TTL: variants seen among roughly 807,000 people sequenced by gnomAD.
TTL encodes the protein tubulin tyrosine ligase, also known as tubulin--tyrosine ligase.
In TTL, 10 loss-of-function variants were observed where a neutral mutation model predicts 41.1. The ratio of observed to expected loss-of-function variants is 0.24; its 90% CI spans 0.15 to 0.41. TTL has a LOEUF of 0.41. Among genes scored for constraint, TTL ranks in the 10% least tolerant of loss-of-function variants. The pLI is 1.00. For synonymous variants in TTL, 175 were observed against 175.5 expected, an observed-to-expected ratio of 1.00 and a Z score of 0.02; for missense variants, 367 against 460.4, an observed-to-expected ratio of 0.80 and a Z score of 1.86.
intron 2 of TTL, among the ~76,000 whole-genome samples, chr2:112,487,476 T>C (rs576236087): frequency 2.0e-5 from 3 of 152,364 alleles, no homozygotes; most frequent in South Asian, 4.1e-4. Context: ...CTACGATTTT[T>C]CCCCTAAAGA....
rs1264127786 is a variant in TTL, at chr2:112,533,476, T to C, written c.*4681T>C. On this transcript the variant is annotated 3_prime_UTR_variant, in exon 7 of 7. Coordinates refer to ENST00000233336, the MANE Select transcript of TTL (RefSeq NM_153712.5). ...GTGTTTTCCCCAAAGCATCCCTCCA[T>C]ATCTTAGTCTATTTTGTATTGCCAT... 1 of 152,266 alleles carries C rather than the reference T, an allele frequency of 6.6e-6. No homozygotes were observed. Among genetic ancestry groups the C allele is most frequent in the African/African-American group, 2.4e-5 (1 of 41,468 alleles). 9.4% of individuals were successfully genotyped at this position (152,266 alleles called of 1,614,324 possible).
chr2:112,532,009 T>C lies in TTL; in HGVS notation c.*3214T>C, dbSNP rs1242779240. 4.4e-6 allele frequency: 1 copy of C among 228,056 alleles called. No homozygotes were observed. The highest frequency in any genetic ancestry group is 1.8e-4 in the South Asian group (1 of 5,482). The allele number at this position is 228,056 out of a possible 1,614,324, so 14.1% of individuals were successfully genotyped here. On this transcript the variant is annotated 3_prime_UTR_variant, in exon 7 of 7. Transcript: ENST00000233336. ...AAGAACATTTAAGTGCCTCAGCATC[T>C]GTATGATATAGTGGAGCAGGTGCTG...
rs1682517999 is a variant in TTL, at chr2:112,531,939, T to C, written c.*3144T>C. 8.9e-6 allele frequency: 2 copies of C among 224,950 alleles called. No individual in the cohort carries two copies. The highest frequency in any genetic ancestry group is 5.7e-5 in the Admixed American group (1 of 17,464). The allele number at this position is 224,950 out of a possible 1,614,324, so 13.9% of individuals were successfully genotyped here. A position where few individuals can be genotyped will look rare whatever the true frequency, so the allele number is the denominator to read the frequency against. Reference sequence around the variant, plus strand: ...GGGTATTAATTATTGAAAGTCCCTTTCCCCAAAACTCAACTCCTATGGCAA... The same window carrying C: ...GGGTATTAATTATTGAAAGTCCCTTCCCCCAAAACTCAACTCCTATGGCAA... On this transcript the variant is annotated 3_prime_UTR_variant, in exon 7 of 7. Coordinates refer to ENST00000233336, the MANE Select transcript of TTL (RefSeq NM_153712.5).
chr2:112,492,709 G>A (rs549020633), intron 2 of TTL, among the ~76,000 whole-genome samples: 1 of 151,632 alleles, frequency 6.6e-6, no homozygotes. Context: ...CAGCCTGGGC[G>A]ACAGAGCGAG....
chr2:112,530,282 T>C lies in TTL; in HGVS notation c.*1487T>C, dbSNP rs1682473992. The C allele has an allele frequency of 4.3e-6, 1 of 231,598 alleles. No homozygotes were observed. 14.3% of individuals were successfully genotyped at this position (231,598 alleles called of 1,614,324 possible). A position where few individuals can be genotyped will look rare whatever the true frequency, so the allele number is the denominator to read the frequency against. On this transcript the variant is annotated 3_prime_UTR_variant, in exon 7 of 7. Coordinates refer to ENST00000233336, the MANE Select transcript of TTL (RefSeq NM_153712.5). Reference sequence around the variant, plus strand: ...ATGAAAAAGGCAATAATGATAGAAATTATTTCTTAGGTACAGCAATAGTTG... The same window carrying C: ...ATGAAAAAGGCAATAATGATAGAAACTATTTCTTAGGTACAGCAATAGTTG...
intron 6 of TTL, among the ~76,000 whole-genome samples, chr2:112,524,309 C>G (rs1454990224): frequency 6.6e-6 from 1 of 152,164 alleles, no homozygotes; most frequent in African/African-American, 2.4e-5. Flanking sequence ...GGTATATACC[C>G]AGTAATGGGA....
In TTL at chr2:112,532,206, T is replaced by A. The variant is rs1033441419; in HGVS notation, c.*3411T>A. ...AGGTCCAGCCCTCTTGCAAGTGTGG[T>A]GAGAGGCTCTACTAGCAAAGACATG... On this transcript the variant is annotated 3_prime_UTR_variant, in exon 7 of 7. Transcript: ENST00000233336. 3 of 227,048 alleles carry A rather than the reference T, an allele frequency of 1.3e-5. No individual in the cohort carries two copies. In the Admixed American group the frequency reaches 1.7e-4, roughly 13 times the overall value. The allele number at this position is 227,048 out of a possible 1,614,324, so 14.1% of individuals were successfully genotyped here. A position where few individuals can be genotyped will look rare whatever the true frequency, so the allele number is the denominator to read the frequency against.
In TTL at chr2:112,525,081, G is replaced by A. The variant is rs556169314; in HGVS notation, c.1020-3600G>A. ...CTCATTTCTTGTTTTTATCAGGTTT[G>A]TCAAACATCAGGTGGTTGTAGATGT... On this transcript the variant is annotated intron_variant, in intron 6 of 6. Coordinates refer to ENST00000233336, the MANE Select transcript of TTL (RefSeq NM_153712.5). Among the ~76,000 whole-genome samples, 5 of 152,244 alleles carry A rather than the reference G, an allele frequency of 3.3e-5. No homozygotes were observed. In the South Asian group the frequency reaches 1.0e-3, roughly 32 times the overall value.
chr2:112,496,887 C>T (rs2104454455), intron 3 of TTL, among the ~76,000 whole-genome samples: 1 of 152,006 alleles, frequency 6.6e-6, no homozygotes, highest in East Asian at 1.9e-4. Context: ...GTGGTGCCAT[C>T]TCAGCTCACT....
At chr2:112,499,654 T>C (rs1436346960) in intron 3 of TTL, among the ~76,000 whole-genome samples, 5 of 152,356 alleles carry the variant, frequency 3.3e-5, no homozygotes, top group South Asian at 2.1e-4. Flanking sequence ...ACTTCTGCTC[T>C]ATGAAACACC....
rs368141504 is a variant in TTL at position 112,496,050 on chromosome 2, C to G, written c.469+1675C>G. ...TCAGGTATCTCACCTACTTCTCTCT[C>G]CCCTCTTGTGACCTTTTCTCAACTA... is the stretch of plus-strand genomic sequence containing the variant. On this transcript the variant is annotated intron_variant, in intron 3 of 6. Transcript: ENST00000233336. Among the ~76,000 whole-genome samples the G allele has an allele frequency of 6.6e-5, 10 of 152,278 alleles. No homozygotes were observed. The South Asian group carries it at 1.0e-3, about 16-fold the overall frequency.
intron 6 of TTL, among the ~76,000 whole-genome samples, chr2:112,521,630 T>G (rs1682233804): frequency 6.6e-6 from 1 of 152,220 alleles, no homozygotes; most frequent in African/African-American, 2.4e-5. Context: ...TCCATCTTGT[T>G]CATCAGTCTC....
rs1163852610 is a variant in TTL, at chr2:112,499,482, A to G, written c.470-1724A>G. Among the ~76,000 whole-genome samples the G allele has an allele frequency of 2.0e-5, 3 of 152,214 alleles. No homozygotes were observed. The East Asian group carries it at 5.8e-4, about 29-fold the overall frequency. On this transcript the variant is annotated intron_variant, in intron 3 of 6. Transcript: ENST00000233336. ...AACAGGCAGAAAAATGAACATCAAC[A>G]TAAGCTTCACACCTCATACAAAAAC...
chr2:112,535,106 G>A lies in TTL; in HGVS notation c.*6311G>A, dbSNP rs1225858924. 2.6e-5 allele frequency: 4 copies of A among 151,780 alleles called. No individual in the cohort carries two copies. The highest frequency in any genetic ancestry group is 4.4e-5 in the Non-Finnish European group (3 of 67,990). The allele number at this position is 151,780 out of a possible 1,614,324, so 9.4% of individuals were successfully genotyped here. The stretch of plus-strand genomic sequence containing the variant: ...GAAAAGAAAAAAGGAAAGAAAGTTA[G>A]TTTATAAAATAGAACCAAGTAGAAA... On this transcript the variant is annotated 3_prime_UTR_variant, in exon 7 of 7. Coordinates refer to ENST00000233336, the MANE Select transcript of TTL (RefSeq NM_153712.5).
chr2:112,518,331 A>ATT (rs35977243), intron 5 of TTL, among the ~76,000 whole-genome samples: 62 of 145,920 alleles, frequency 4.2e-4, no homozygotes, highest in Non-Finnish European at 5.4e-4. Flanking sequence ...TAGAACAGGG[A>ATT]TTTTTTTTTT....
intron 5 of TTL, among the ~76,000 whole-genome samples, chr2:112,519,925 G>A (rs987161230): frequency 6.6e-6 from 1 of 152,008 alleles, no homozygotes; most frequent in Admixed American, 6.6e-5. Context: ...GAGGTCGGGA[G>A]TTCGAGACCA....
intron 5 of TTL, among the ~76,000 whole-genome samples, chr2:112,507,979 T>G (rs2104462486): frequency 5.0e-5 from 2 of 39,632 alleles, no homozygotes; most frequent in Non-Finnish European, 9.4e-5. Flanking sequence ...TGTTTAGCGC[T>G]TCCTTCAGGA....
At chr2:112,490,568 CTTTTTTTT>C (rs35722764) in intron 2 of TTL, among the ~76,000 whole-genome samples, 3 of 110,680 alleles carry the variant, frequency 2.7e-5, no homozygotes, top group Admixed American at 1.1e-4. Flanking sequence ...CTTAGTAAAT[CTTTTTTTT>C]TTTTTTTTTT....
chr2:112,498,368 G>A (rs1463715055), intron 3 of TTL, among the ~76,000 whole-genome samples: 1 of 152,036 alleles, frequency 6.6e-6, no homozygotes, highest in Non-Finnish European at 1.5e-5. Flanking sequence ...TCACCCTAGA[G>A]AAAATGTGAT....
Sources: gnomAD v4.1 joint callset for allele counts (sites outside exome capture counted in the v4.1 genomes callset) on GRCh38, gnomAD v4.1.1 for gene constraint, MANE v1.5 for transcripts, NCBI Gene and HGNC (gene_info 2026-07-23, HGNC 2026-07-21) for gene names.